Variants in KCNH1 observed in about 807,000 individuals in gnomAD.
KCNH1 encodes potassium voltage-gated channel subfamily H member 1.
Under a neutral mutation model 69.2 loss-of-function variants are expected in KCNH1, and 27 were observed. The observed-to-expected ratio is 0.39, with a 90% CI of 0.29 to 0.54. The LOEUF (loss-of-function observed/expected upper bound fraction) is 0.54, where lower values mean the gene tolerates loss of function less well. KCNH1 is among the 20% of genes least tolerant of loss of function. KCNH1 has a pLI of 0.68. For missense variants in KCNH1, 798 were observed against 1,261.6 expected, an observed-to-expected ratio of 0.63 and a Z score of 5.57; for synonymous variants, 456 against 487.7, an observed-to-expected ratio of 0.93 and a Z score of 0.86.
intron 6 of KCNH1, among the ~76,000 whole-genome samples, chr1:210,962,903 G>T (rs1005906729): frequency 2.0e-5 from 3 of 149,390 alleles, no homozygotes; most frequent in Non-Finnish European, 3.0e-5. Context: ...GTGTTTCTCT[G>T]GTTACATATG....
chr1:211,003,928 C>T (rs926448835), intron 6 of KCNH1, among the ~76,000 whole-genome samples: 1 of 151,952 alleles, frequency 6.6e-6, no homozygotes, highest in Admixed American at 6.6e-5. Flanking sequence ...CCCGTCTCTA[C>T]TAAAAATACA....
chr1:211,022,954 A>G (rs903861548), intron 5 of KCNH1, among the ~76,000 whole-genome samples: 6 of 151,838 alleles, frequency 4.0e-5, no homozygotes, highest in Admixed American at 6.6e-5. Flanking sequence ...TCTACTAAAA[A>G]TACAAAATTA....
In KCNH1 at chr1:210,962,557, T is replaced by G. The variant is rs541293322; in HGVS notation, c.1033-42488A>C. ...TTATTCAATGTCATGTTGTTAACCA[T>G]CAATCATGCTGCTGCAGATAACTAT... On this transcript the variant is annotated intron_variant, in intron 6 of 10. Coordinates refer to ENST00000271751, the MANE Select transcript of KCNH1 (RefSeq NM_172362.3). 1.3e-5 allele frequency among the ~76,000 whole-genome samples: 2 copies of G among 152,250 alleles called. 1 individual carries two copies. Among genetic ancestry groups the G allele is most frequent in the East Asian group, 3.9e-4 (2 of 5,170 alleles).
intron 6 of KCNH1, among the ~76,000 whole-genome samples, chr1:211,004,877 TTA>T (rs111254652): frequency 5.3e-5 from 8 of 151,938 alleles, no homozygotes; most frequent in African/African-American, 1.4e-4. Flanking sequence ...TAAAGAAAAA[TTA>T]TTACTAGATA....
intron 7 of KCNH1, among the ~76,000 whole-genome samples, chr1:210,863,756 G>C (rs10863865): frequency 0.24 from 36,712 of 152,070 alleles, 4,671 homozygotes; most frequent in African/African-American, 0.34. Flanking sequence ...CTCATGAAAG[G>C]CTGCAGCCAG....
chr1:211,094,151 ATGAT>A (rs1193868358), intron 3 of KCNH1, among the ~76,000 whole-genome samples: 1 of 152,130 alleles, frequency 6.6e-6, no homozygotes, highest in Non-Finnish European at 1.5e-5. Flanking sequence ...GGGGGTGGGG[ATGAT>A]TTCAGGATTA....
At chr1:210,970,744 T>A (rs1048235265) in intron 6 of KCNH1, among the ~76,000 whole-genome samples, 2 of 152,054 alleles carry the variant, frequency 1.3e-5, no homozygotes, top group African/African-American at 4.8e-5. Flanking sequence ...GATTTTATGA[T>A]GAAATCACCA....
intron 6 of KCNH1, among the ~76,000 whole-genome samples, chr1:210,923,831 T>G (rs1449299403): frequency 1.3e-5 from 2 of 152,224 alleles, no homozygotes; most frequent in African/African-American, 4.8e-5. Context: ...ACATGTATTG[T>G]GTTGAACAAT....
intron 5 of KCNH1, among the ~76,000 whole-genome samples, chr1:211,028,675 C>T (rs540135520): frequency 6.2e-4 from 94 of 151,892 alleles, no homozygotes; most frequent in African/African-American, 2.1e-3. Flanking sequence ...CAACTCTACA[C>T]ACATAAATAT....
chr1:210,945,167 C>T (rs1687936347), intron 6 of KCNH1, among the ~76,000 whole-genome samples: 1 of 152,174 alleles, frequency 6.6e-6, no homozygotes, highest in Admixed American at 6.5e-5. Context: ...TATTAATGGG[C>T]ACTTGGGTTG....
intron 10 of KCNH1, among the ~76,000 whole-genome samples, chr1:210,768,246 A>T (rs1683679165): frequency 6.6e-6 from 1 of 152,202 alleles, no homozygotes; most frequent in Admixed American, 6.5e-5. Context: ...CCATATAAAC[A>T]TTGAAAATTT....
At chr1:210,946,360 C>T (rs1558536028) in intron 6 of KCNH1, among the ~76,000 whole-genome samples, 1 of 152,118 alleles carries the variant, frequency 6.6e-6, no homozygotes, top group Non-Finnish European at 1.5e-5. Context: ...AGATGCCCTG[C>T]CCCTCCTTGG....
intron 7 of KCNH1, among the ~76,000 whole-genome samples, chr1:210,885,980 A>G (rs1354862717): frequency 6.6e-6 from 1 of 152,154 alleles, no homozygotes; most frequent in Admixed American, 6.5e-5. Flanking sequence ...CAGTAGACTT[A>G]AACACTCCTG....
At chr1:211,013,741 G>A (rs1357862007) in intron 6 of KCNH1, among the ~76,000 whole-genome samples, 1 of 152,212 alleles carries the variant, frequency 6.6e-6, no homozygotes, top group Non-Finnish European at 1.5e-5. Flanking sequence ...TCATCACACA[G>A]GTCAGGCAAA....
chr1:210,849,105 T>C (rs1462160258), intron 7 of KCNH1, among the ~76,000 whole-genome samples: 1 of 152,234 alleles, frequency 6.6e-6, no homozygotes, highest in Non-Finnish European at 1.5e-5. Context: ...AACCTGGCCT[T>C]ACACATATAC....
At chr1:210,824,075 A>G (rs189488992) in intron 7 of KCNH1, among the ~76,000 whole-genome samples, 2 of 152,222 alleles carry the variant, frequency 1.3e-5, no homozygotes, top group Non-Finnish European at 2.9e-5. Context: ...TGTTGAGACT[A>G]TACACATGAG....
intron 7 of KCNH1, among the ~76,000 whole-genome samples, chr1:210,897,483 A>T (rs1424255780): frequency 6.6e-6 from 1 of 152,092 alleles, no homozygotes; most frequent in Non-Finnish European, 1.5e-5. Flanking sequence ...AGGGAAAGAA[A>T]TTAAGTGTGT....
intron 6 of KCNH1, among the ~76,000 whole-genome samples, chr1:210,975,281 C>T (rs541540774): frequency 1.3e-5 from 2 of 152,218 alleles, no homozygotes; most frequent in Non-Finnish European, 2.9e-5. Context: ...AAAACCAGCT[C>T]CTGGATTCAG....
chr1:210,763,747 C>T (rs1424271450), intron 10 of KCNH1, among the ~76,000 whole-genome samples: 1 of 152,084 alleles, frequency 6.6e-6, no homozygotes, highest in East Asian at 1.9e-4. Flanking sequence ...GCATTCCATA[C>T]TTATGAATTG....
Sources: gnomAD v4.1 joint callset for allele counts (sites outside exome capture counted in the v4.1 genomes callset) on GRCh38, gnomAD v4.1.1 for gene constraint, MANE v1.5 for transcripts, NCBI Gene and HGNC (gene_info 2026-07-23, HGNC 2026-07-21) for gene names.